The following CPNE3 variants were observed in gnomAD, a reference collection of about 807,000 sequenced individuals.
The protein encoded by CPNE3 is copine-3.
A neutral mutation model predicts 63.9 loss-of-function variants in CPNE3; 68 were observed. That is an observed-to-expected ratio of 1.06 (90% CI 0.87 to 1.30). CPNE3 has a LOEUF of 1.30. CPNE3 is among the 50% of genes most tolerant of loss of function. The probability of loss-of-function intolerance (pLI) is 0.00; values close to 1 mark genes in which losing one functional copy is unlikely to be tolerated. For synonymous variants in CPNE3, 219 were observed against 197.5 expected (o/e 1.11, Z -0.91); for missense variants, 665 against 578.1 (o/e 1.15, Z -1.54).
intron 4 of CPNE3, among the ~76,000 whole-genome samples, chr8:86,529,844 C>T (rs1289492626): frequency 6.6e-6 from 1 of 151,780 alleles, no homozygotes; most frequent in African/African-American, 2.4e-5. Flanking sequence ...ATTTGTCACT[C>T]ACATATGTCT....
intron 7 of CPNE3, among the ~76,000 whole-genome samples, chr8:86,538,941 T>C (rs1022617134): frequency 1.3e-5 from 2 of 152,226 alleles, no homozygotes; most frequent in Non-Finnish European, 2.9e-5. Context: ...TTACATGTTC[T>C]CTAGCACTTC....
At chr8:86,552,815 G>A (rs1821210405) in intron 14 of CPNE3, among the ~76,000 whole-genome samples, 1 of 147,690 alleles carries the variant, frequency 6.8e-6, no homozygotes, top group African/African-American at 2.5e-5. Context: ...TGATATTTGT[G>A]AAGAAATTAT....
At chr8:86,537,539 T>G in intron 6 of CPNE3, 24 bp from the exon 7 acceptor site, 1 of 1,442,192 alleles carries the variant, frequency 6.9e-7, no homozygotes, top group Non-Finnish European at 9.8e-7. Flanking sequence ...AACAAATGCT[T>G]TTTGTTGTTT....
rs766647460 is a variant in CPNE3, at chr8:86,558,438, T to G, written c.*28T>G. Reference sequence around the variant, plus strand: ...ACTTCAACAGAATTCTTTTGTGTTATGTGGAGCAATGCCATCTCTCACCCC... The same window carrying G: ...ACTTCAACAGAATTCTTTTGTGTTAGGTGGAGCAATGCCATCTCTCACCCC... On this transcript the variant is annotated 3_prime_UTR_variant, in exon 17 of 17. Transcript: ENST00000517490. 8 of 872,308 alleles carry G rather than the reference T, an allele frequency of 9.2e-6. No individual in the cohort carries two copies. The highest frequency in any genetic ancestry group is 3.4e-5 in the Admixed American group (2 of 59,148). The allele number at this position is 872,308 out of a possible 1,614,324, so 54.0% of individuals were successfully genotyped here. A position where few individuals can be genotyped will look rare whatever the true frequency, so the allele number is the denominator to read the frequency against.
At chr8:86,534,878 G>A (rs955154661) in intron 6 of CPNE3, among the ~76,000 whole-genome samples, 2 of 152,138 alleles carry the variant, frequency 1.3e-5, no homozygotes, top group African/African-American at 4.8e-5. Flanking sequence ...TCCACTAAAT[G>A]TGACCAGTGA....
chr8:86,517,189 A>G (rs1321384787), intron 2 of CPNE3, among the ~76,000 whole-genome samples: 1 of 152,232 alleles, frequency 6.6e-6, no homozygotes, highest in Admixed American at 6.5e-5. Context: ...GCAGTATGCA[A>G]TCATAACTTT....
At chr8:86,527,891 A>G (rs1005753448) in intron 2 of CPNE3, among the ~76,000 whole-genome samples, 36 of 150,528 alleles carry the variant, frequency 2.4e-4, no homozygotes, top group African/African-American at 8.5e-4. Flanking sequence ...TGAAGGGTCA[A>G]GATAATACTT....
intron 8 of CPNE3, 61 bp from the exon 9 acceptor site, chr8:86,544,679 G>A: frequency 1.2e-6 from 1 of 820,544 alleles, no homozygotes; most frequent in Non-Finnish European, 1.7e-6. Context: ...ATTTATTGCA[G>A]CCAATACTTT....
At chr8:86,533,591 T>A (rs1462851290) in intron 6 of CPNE3, among the ~76,000 whole-genome samples, 2 of 140,572 alleles carry the variant, frequency 1.4e-5, no homozygotes, top group Non-Finnish European at 3.0e-5. Context: ...GGCTGGGGAC[T>A]TTTTTTTTTT....
At chr8:86,516,283 C>G (rs1820307936) in intron 2 of CPNE3, among the ~76,000 whole-genome samples, 1 of 152,152 alleles carries the variant, frequency 6.6e-6, no homozygotes, top group Non-Finnish European at 1.5e-5. Flanking sequence ...GAGGAGGCTC[C>G]AGGACGGGAG....
At position 86,556,104 on chromosome 8, in the gene CPNE3, A is replaced by G. The variant is rs771677053; in HGVS notation, c.1257A>G (p.Gln419=). Residue 419 remains glutamine (Q), a splice_region_variant and synonymous_variant, in exon 16 of 17, where the codon CAA becomes CAG. Transcript: ENST00000517490. ...AAATQQQTAS[Q]YFVLLIITDG... ...GACATGTTTTCTTTTTCTGGCAGCA[A>G]TATTTTGTGCTTTTGATTATTACTG... is the stretch of plus-strand genomic sequence containing the variant. 3.4e-6 allele frequency: 3 copies of G among 872,780 alleles called. No individual in the cohort carries two copies. In the South Asian group the frequency reaches 3.9e-5, roughly 11 times the overall value. 54.1% of individuals were successfully genotyped at this position (872,780 alleles called of 1,614,324 possible). A position where few individuals can be genotyped will look rare whatever the true frequency, so the allele number is the denominator to read the frequency against.
At chr8:86,540,606 A>T (rs1438707294) in intron 8 of CPNE3, among the ~76,000 whole-genome samples, 1 of 152,142 alleles carries the variant, frequency 6.6e-6, no homozygotes, top group Non-Finnish European at 1.5e-5. Flanking sequence ...TAAAATGTCC[A>T]GTTTAATATT....
intron 1 of CPNE3, 21 bp downstream of exon 1, chr8:86,514,562 G>A (rs7462883): frequency 0.27 from 40,364 of 152,158 alleles, 6,274 homozygotes; most frequent in East Asian, 0.53. Flanking sequence ...GCGTCTCCCA[G>A]TTCCTGGGCC....
At chr8:86,516,904 TGACC>T (rs1347286119) in intron 2 of CPNE3, among the ~76,000 whole-genome samples, 1 of 152,260 alleles carries the variant, frequency 6.6e-6, no homozygotes, top group Non-Finnish European at 1.5e-5. Flanking sequence ...ATATGTCATT[TGACC>T]TTCAAAGATT....
At chr8:86,551,641 T>C (rs1040835826) in intron 14 of CPNE3, 1 of 157,106 alleles carries the variant, frequency 6.4e-6, no homozygotes, top group Non-Finnish European at 1.4e-5. Flanking sequence ...TTGAAGCTTT[T>C]TTCAGAGTGG....
At chr8:86,543,824 T>TA (rs1215552232) in intron 8 of CPNE3, among the ~76,000 whole-genome samples, 2 of 152,136 alleles carry the variant, frequency 1.3e-5, no homozygotes, top group African/African-American at 4.8e-5. Context: ...TAAAATACTA[T>TA]AAAAACATTG....
chr8:86,527,917 G>C (rs1281043840), intron 2 of CPNE3, among the ~76,000 whole-genome samples: 1 of 137,704 alleles, frequency 7.3e-6, no homozygotes, highest in Admixed American at 7.3e-5. Context: ...TTTTCTGAAT[G>C]ATAAAATTTA....
intron 14 of CPNE3, among the ~76,000 whole-genome samples, chr8:86,552,963 C>CT: frequency 9.2e-5 from 1 of 10,898 alleles, no homozygotes; most frequent in African/African-American, 1.8e-4. Flanking sequence ...CCACAGCCCG[C>CT]CCCCCCCCCC....
At chr8:86,519,414 A>G (rs543432936) in intron 2 of CPNE3, among the ~76,000 whole-genome samples, 2 of 152,324 alleles carry the variant, frequency 1.3e-5, no homozygotes, top group South Asian at 4.1e-4. Context: ...TGCATGTCCA[A>G]GCATCAGCAA....
Sources: gnomAD v4.1 joint callset for allele counts (sites outside exome capture counted in the v4.1 genomes callset) on GRCh38, gnomAD v4.1.1 for gene constraint, MANE v1.5 for transcripts, NCBI Gene and HGNC (gene_info 2026-07-23, HGNC 2026-07-21) for gene names.